The following KCND2 variants were observed in gnomAD, a reference collection of about 807,000 sequenced individuals.
KCND2 encodes potassium voltage-gated channel subfamily D member 2, also known as A-type voltage-gated potassium channel KCND2.
KCND2 carries 16 observed loss-of-function variants against 54.4 expected under a neutral mutation model. That is an observed-to-expected ratio of 0.29 (90% CI 0.20 to 0.45). The LOEUF (loss-of-function observed/expected upper bound fraction) is 0.45. KCND2 is among the 20% of genes least tolerant of loss of function. The pLI is 1.00. For synonymous variants in KCND2, 317 were observed against 310.7 expected, an observed-to-expected ratio of 1.02 and a Z score of -0.21; for missense variants, 486 against 824.2, an observed-to-expected ratio of 0.59 and a Z score of 5.02.
chr7:120,664,623 G>A (rs550128264), intron 1 of KCND2, among the ~76,000 whole-genome samples: 5 of 152,158 alleles, frequency 3.3e-5, no homozygotes, highest in South Asian at 2.1e-4. Flanking sequence ...TTTTGAGATA[G>A]TTTTATGTTA....
At chr7:120,520,201 G>A (rs1018084527) in intron 1 of KCND2, among the ~76,000 whole-genome samples, 1 of 151,968 alleles carries the variant, frequency 6.6e-6, no homozygotes, top group African/African-American at 2.4e-5. Context: ...TAATATTTAT[G>A]TATAAGTAGC....
chr7:120,301,044 C>T (rs911810350), intron 1 of KCND2, among the ~76,000 whole-genome samples: 1 of 151,908 alleles, frequency 6.6e-6, no homozygotes, highest in Non-Finnish European at 1.5e-5. Context: ...ACCTGGACAG[C>T]CAAATAAGAA....
At chr7:120,609,611 G>T (rs1250013160) in intron 1 of KCND2, among the ~76,000 whole-genome samples, 1 of 152,112 alleles carries the variant, frequency 6.6e-6, no homozygotes, top group Admixed American at 6.6e-5. Context: ...CACAAAAGCT[G>T]TATCTTAAAA....
intron 1 of KCND2, among the ~76,000 whole-genome samples, chr7:120,316,358 A>G (rs568419316): frequency 6.6e-6 from 1 of 152,320 alleles, no homozygotes; most frequent in South Asian, 2.1e-4. Flanking sequence ...TTACATTCTT[A>G]TCACTGCTTC....
chr7:120,297,323 GTC>G (rs1228042605), intron 1 of KCND2, among the ~76,000 whole-genome samples: 1 of 151,992 alleles, frequency 6.6e-6, no homozygotes, highest in African/African-American at 2.4e-5. Flanking sequence ...GTCTTTCTGT[GTC>G]TGAGTTGTTT....
chr7:120,551,558 A>G (rs1232611838), intron 1 of KCND2, among the ~76,000 whole-genome samples: 1 of 152,214 alleles, frequency 6.6e-6, no homozygotes, highest in Non-Finnish European at 1.5e-5. Context: ...TTCTCAGTGC[A>G]GAGAAAGATA....
chr7:120,685,070 A>G (rs1792184038), intron 1 of KCND2, among the ~76,000 whole-genome samples: 1 of 152,206 alleles, frequency 6.6e-6, no homozygotes, highest in Non-Finnish European at 1.5e-5. Flanking sequence ...AACCATTATC[A>G]CATTCTTGGT....
intron 1 of KCND2, among the ~76,000 whole-genome samples, chr7:120,309,959 C>T (rs556337825): frequency 6.6e-6 from 1 of 152,284 alleles, no homozygotes; most frequent in Admixed American, 6.5e-5. Flanking sequence ...TCTTTGAAAT[C>T]TTGTGTACTT....
chr7:120,279,662 AT>A (rs1799234058), intron 1 of KCND2, among the ~76,000 whole-genome samples: 1 of 151,926 alleles, frequency 6.6e-6, no homozygotes, highest in African/African-American at 2.4e-5. Context: ...CCATATTTCA[AT>A]TTTTGTGCGT....
At chr7:120,477,288 G>A (rs889152585) in intron 1 of KCND2, among the ~76,000 whole-genome samples, 28 of 152,068 alleles carry the variant, frequency 1.8e-4, no homozygotes, top group African/African-American at 3.1e-4. Flanking sequence ...TGGACTTTGC[G>A]TGATAAAAAT....
chr7:120,343,343 T>TA (rs1800269362), intron 1 of KCND2, among the ~76,000 whole-genome samples: 1 of 152,126 alleles, frequency 6.6e-6, no homozygotes, highest in South Asian at 2.1e-4. Flanking sequence ...CTCTGTGGCA[T>TA]AAAAAATGTA....
At chr7:120,353,901 A>G (rs565560234) in intron 1 of KCND2, among the ~76,000 whole-genome samples, 1 of 152,314 alleles carries the variant, frequency 6.6e-6, no homozygotes, top group Non-Finnish European at 1.5e-5. Flanking sequence ...CCACATATTC[A>G]TTGTTTAAAA....
At chr7:120,601,341 C>T (rs1346835157) in intron 1 of KCND2, among the ~76,000 whole-genome samples, 1 of 152,040 alleles carries the variant, frequency 6.6e-6, no homozygotes, top group Non-Finnish European at 1.5e-5. Context: ...GAAGGGAACA[C>T]AAGGGAGCCA....
At chr7:120,638,006 A>G (rs905267508) in intron 1 of KCND2, among the ~76,000 whole-genome samples, 2 of 151,620 alleles carry the variant, frequency 1.3e-5, no homozygotes, top group Admixed American at 6.6e-5. Flanking sequence ...GAAAAATCAG[A>G]AAAAAAAATT....
intron 1 of KCND2, among the ~76,000 whole-genome samples, chr7:120,377,435 A>G (rs1800849075): frequency 6.6e-6 from 1 of 151,904 alleles, no homozygotes; most frequent in Non-Finnish European, 1.5e-5. Context: ...TCACTTCTTG[A>G]ACAGATTTCT....
At chr7:120,406,998 G>A (rs1224541208) in intron 1 of KCND2, among the ~76,000 whole-genome samples, 11 of 151,826 alleles carry the variant, frequency 7.2e-5, no homozygotes, top group South Asian at 2.1e-4. Context: ...GCTATTCCTC[G>A]GGGATGCAGT....
chr7:120,541,461 A>G (rs986318522), intron 1 of KCND2, among the ~76,000 whole-genome samples: 1 of 152,094 alleles, frequency 6.6e-6, no homozygotes, highest in Non-Finnish European at 1.5e-5. Context: ...TTCTCTACCT[A>G]TGCAAATACC....
intron 1 of KCND2, among the ~76,000 whole-genome samples, chr7:120,315,765 AGTGTGTGTGTGTGTGTGTGTGTGTGT>A (rs59537613): frequency 1.2e-4 from 17 of 137,602 alleles, no homozygotes; most frequent in African/African-American, 1.4e-4. Flanking sequence ...TTCCATAAGC[AGTGTGTGTGTGTGTGTGTGTGTGTGT>A]GTGTGTGTGT....
chr7:120,506,679 G>A (rs1361274728), intron 1 of KCND2, among the ~76,000 whole-genome samples: 1 of 151,876 alleles, frequency 6.6e-6, no homozygotes, highest in Non-Finnish European at 1.5e-5. Context: ...AGTAAAGAAA[G>A]TGAACAATTC....
Sources: allele counts gnomAD v4.1 joint callset (sites outside exome capture counted in the v4.1 genomes callset), GRCh38; gene constraint gnomAD v4.1.1; transcripts MANE v1.5; gene names NCBI Gene and HGNC (gene_info 2026-07-23, HGNC 2026-07-21).